Variants in PCSK9 observed in about 807,000 individuals in gnomAD.
PCSK9 encodes proprotein convertase subtilisin/kexin type 9.
In PCSK9, 57 loss-of-function variants were observed where a neutral mutation model predicts 62.1. The ratio of observed to expected loss-of-function variants is 0.92; its 90% CI spans 0.74 to 1.14. The LOEUF (loss-of-function observed/expected upper bound fraction) is 1.14. PCSK9 is among the 50% of genes most tolerant of loss of function. The pLI is 0.00. For synonymous variants in PCSK9, 387 were observed against 409.4 expected (o/e 0.95, Z 0.66); for missense variants, 870 against 959.8 (o/e 0.91, Z 1.24).
intron 7 of PCSK9, 110 bp downstream of exon 7, chr1:55,057,624 T>G (rs1644725372): frequency 1.5e-6 from 2 of 1,325,734 alleles, no homozygotes; most frequent in Non-Finnish European, 2.1e-6. Context: ...GGACCAGAGA[T>G]GAAGTAGGCC....
chr1:55,058,994 C>G (rs1557507559), intron 9 of PCSK9, among the ~76,000 whole-genome samples: 2 of 152,252 alleles, frequency 1.3e-5, no homozygotes, highest in Non-Finnish European at 2.9e-5. Context: ...AGGCCCCTCT[C>G]ACTCAGGTGC....
At position 55,063,684 on chromosome 1, in the gene PCSK9, C is replaced by A; in HGVS notation, c.*100C>A. On this transcript the variant is annotated 3_prime_UTR_variant, in exon 12 of 12. Coordinates refer to ENST00000302118, the MANE Select transcript of PCSK9 (RefSeq NM_174936.4). ...CCTCTCTCAGCCCTCCATGGCCTGG[C>A]ACGAGGGGATGGGGATGCTTCCGCC... 7.4e-7 allele frequency: 1 copy of A among 1,342,330 alleles called. No homozygotes were observed. Among genetic ancestry groups the A allele is most frequent in the Non-Finnish European group, 1.0e-6 (1 of 992,946 alleles). 83.2% of individuals were successfully genotyped at this position (1,342,330 alleles called of 1,614,324 possible). A position where few individuals can be genotyped will look rare whatever the true frequency, so the allele number is the denominator to read the frequency against.
chr1:55,050,470 G>A (rs968040995), intron 3 of PCSK9, among the ~76,000 whole-genome samples: 1 of 152,348 alleles, frequency 6.6e-6, no homozygotes, highest in South Asian at 2.1e-4. Context: ...ATGAGTGAAA[G>A]CTCCTAACAC....
In PCSK9 at chr1:55,046,639, G is replaced by T; in HGVS notation, c.516G>T (p.Gln172His). 6.2e-7 allele frequency: 1 copy of T among 1,613,838 alleles called. No individual in the cohort carries two copies. Among genetic ancestry groups the T allele is most frequent in the Non-Finnish European group, 8.5e-7 (1 of 1,179,962 alleles). ...TPPRYRADEY[Q>H]PPDGGSLVEV... is the part of the protein sequence containing the mutation. ...CACGGTACCGGGCGGATGAATACCA[G>T]CCCCCCGGTAAGACCCCCATCTGTG... Residue 172 changes from glutamine to histidine, a missense_variant, in exon 3 of 12, where the codon CAG becomes CAT. Gln to His is a conservative substitution (Grantham distance 24). Coordinates refer to ENST00000302118, the MANE Select transcript of PCSK9 (RefSeq NM_174936.4).
chr1:55,063,206 G>C (rs1385135502), intron 11 of PCSK9, among the ~76,000 whole-genome samples, 163 bp from the exon 12 acceptor site: 2 of 152,174 alleles, frequency 1.3e-5, no homozygotes, highest in Non-Finnish European at 2.9e-5. Flanking sequence ...TGGGTGGGAG[G>C]TGCGGGGTGG....
chr1:55,058,738 A>G, intron 9 of PCSK9, 91 bp downstream of exon 9: 1 of 1,540,102 alleles, frequency 6.5e-7, no homozygotes, highest in South Asian at 1.2e-5. Flanking sequence ...GCCCTCAGGG[A>G]CCCCCAGCAA....
rs1334000029 is a variant in PCSK9 at position 55,064,210 on chromosome 1, C to G, written c.*626C>G. 2 of 154,986 alleles carry G rather than the reference C, an allele frequency of 1.3e-5. No individual in the cohort carries two copies. The highest frequency in any genetic ancestry group is 2.9e-5 in the Non-Finnish European group (2 of 69,884). The allele number at this position is 154,986 out of a possible 1,614,324, so 9.6% of individuals were successfully genotyped here. The stretch of plus-strand genomic sequence containing the variant: ...TTTCCTGAGCCACCTTTACTCTGCT[C>G]TATGCCAGGCTGTGCTAGCAACACC... On this transcript the variant is annotated 3_prime_UTR_variant, in exon 12 of 12. Transcript: ENST00000302118.
intron 3 of PCSK9, among the ~76,000 whole-genome samples, chr1:55,049,660 A>C (rs546600779): frequency 3.4e-4 from 52 of 152,304 alleles, no homozygotes; most frequent in Admixed American, 1.0e-3. Flanking sequence ...ACTGGAAGGA[A>C]GCCCAAGGAT....
At chr1:55,056,340 C>T (rs993128476) in intron 6 of PCSK9, 151 bp downstream of exon 6, 34 of 903,332 alleles carry the variant, frequency 3.8e-5, no homozygotes, top group Non-Finnish European at 4.9e-5. Context: ...TGGAAGGAGT[C>T]GTCAGAGACC....
intron 3 of PCSK9, among the ~76,000 whole-genome samples, chr1:55,050,501 G>A (rs937544628): frequency 5.3e-5 from 8 of 152,196 alleles, no homozygotes; most frequent in African/African-American, 1.4e-4. Context: ...CAAGGACTCC[G>A]CCTCATCCCA....
At chr1:55,055,931 G>C (rs1644710322) in intron 5 of PCSK9, 62 bp from the exon 6 acceptor site, 1 of 1,477,292 alleles carries the variant, frequency 6.8e-7, no homozygotes, top group South Asian at 1.2e-5. Context: ...TGCCTGTAAG[G>C]GAGGGGCTGG....
In PCSK9 at chr1:55,059,503, G is replaced by A; in HGVS notation, c.1521G>A (p.Leu507=). 1 of 1,565,772 alleles carries A rather than the reference G, an allele frequency of 6.4e-7. No individual in the cohort carries two copies. The highest frequency in any genetic ancestry group is 8.7e-7 in the Non-Finnish European group (1 of 1,154,076). Residue 507 remains leucine, a synonymous_variant, in exon 10 of 12, where the codon CTG becomes CTA. Coordinates refer to ENST00000302118, the MANE Select transcript of PCSK9 (RefSeq NM_174936.4). ...GERMEAQGGK[L]VCRAHNAFGG... ...ACTCTAAGGCCCAAGGGGGCAAGCT[G>A]GTCTGCCGGGCCCACAACGCTTTTG...
rs566363207 is a variant in PCSK9 at position 55,052,853 on chromosome 1, G to C, written c.799+62G>C. ...TGGACCTGGCCTGGGAGGTGGCTTGGGCTGGGCCCAGGGAGAGCTAATGTC... is the reference window on the plus strand; with the variant it reads ...TGGACCTGGCCTGGGAGGTGGCTTGCGCTGGGCCCAGGGAGAGCTAATGTC... On this transcript the variant is annotated intron_variant, in intron 5 of 11. Transcript: ENST00000302118. 316 of 1,611,220 alleles carry C rather than the reference G, an allele frequency of 2.0e-4. No homozygotes were observed. In the African/African-American group the frequency reaches 3.7e-3, roughly 19 times the overall value.
rs139457113 is a variant in PCSK9, at chr1:55,056,556, A to G, written c.996+367A>G. 1.9e-3 allele frequency among the ~76,000 whole-genome samples: 290 copies of G among 152,172 alleles called. 2 individuals carry two copies. Among genetic ancestry groups the G allele is most frequent in the African/African-American group, 6.2e-3 (258 of 41,522 alleles). ...CCCCAGGCCCTGCGTCCTCTGCCCAATACTCTTTGGGCCTCCCTGTTGTCC... is the reference window on the plus strand; with the variant it reads ...CCCCAGGCCCTGCGTCCTCTGCCCAGTACTCTTTGGGCCTCCCTGTTGTCC... On this transcript the variant is annotated intron_variant, in intron 6 of 11. Coordinates refer to ENST00000302118, the MANE Select transcript of PCSK9 (RefSeq NM_174936.4).
At position 55,039,865 on chromosome 1, in the gene PCSK9, T is replaced by A; in HGVS notation, c.28T>A (p.Trp10Arg). MGTVSSRRS[W>R]WPLPLLLLLL... ...GGGCACCGTCAGCTCCAGGCGGTCC[T>A]GGTGGCCGCTGCCACTGCTGCTGCT... is the stretch of plus-strand genomic sequence containing the variant. Residue 10 changes from tryptophan to arginine, a missense_variant, in exon 1 of 12, where the codon TGG becomes AGG. Coordinates refer to ENST00000302118, the MANE Select transcript of PCSK9 (RefSeq NM_174936.4). 1.3e-6 allele frequency: 2 copies of A among 1,562,408 alleles called. No homozygotes were observed. Among genetic ancestry groups the A allele is most frequent in the Non-Finnish European group, 1.7e-6 (2 of 1,154,356 alleles).
At chr1:55,043,763 T>C in intron 1 of PCSK9, 80 bp from the exon 2 acceptor site, 1 of 1,481,372 alleles carries the variant, frequency 6.8e-7, no homozygotes, top group South Asian at 1.2e-5. Context: ...TTGTAATTTG[T>C]AAGTAGGGGT....
chr1:55,041,397 G>A lies in PCSK9; in HGVS notation c.207+1353G>A, dbSNP rs535214548. 4.6e-5 allele frequency among the ~76,000 whole-genome samples: 7 copies of A among 152,236 alleles called. No individual in the cohort carries two copies. In the South Asian group the frequency reaches 1.5e-3, roughly 32 times the overall value. ...TTCTCGAGGGATGTTGTGGGGTTGT[G>A]GCCAGGATAAGAAAGGGCATTTCAA... On this transcript the variant is annotated intron_variant, in intron 1 of 11. Transcript: ENST00000302118.
intron 1 of PCSK9, among the ~76,000 whole-genome samples, chr1:55,042,107 C>T (rs1053755885): frequency 5.9e-5 from 9 of 151,508 alleles, no homozygotes; most frequent in African/African-American, 1.7e-4. Context: ...CCACCACGCC[C>T]GGCTAATTTT....
At chr1:55,062,904 GA>G (rs1485728638) in intron 11 of PCSK9, among the ~76,000 whole-genome samples, 1 of 152,198 alleles carries the variant, frequency 6.6e-6, no homozygotes, top group Admixed American at 6.5e-5. Flanking sequence ...AGGGAGACTG[GA>G]GGGAGGCGGT....
Sources: gnomAD v4.1 joint callset for allele counts (sites outside exome capture counted in the v4.1 genomes callset) on GRCh38, gnomAD v4.1.1 for gene constraint, MANE v1.5 for transcripts, NCBI Gene and HGNC (gene_info 2026-07-23, HGNC 2026-07-21) for gene names.